The following CACNA2D3 variants were observed in gnomAD, a reference collection of about 807,000 sequenced individuals.
CACNA2D3 encodes the protein calcium voltage-gated channel auxiliary subunit alpha2delta 3, also known as voltage-dependent calcium channel subunit alpha-2/delta-3.
Under a neutral mutation model 160.6 loss-of-function variants are expected in CACNA2D3, and 60 were observed. That is an observed-to-expected ratio of 0.37 (90% CI 0.30 to 0.46). The LOEUF is 0.46. CACNA2D3 is among the 20% of genes least tolerant of loss of function. The pLI is 1.00. For synonymous variants in CACNA2D3, 558 were observed against 492.9 expected, an observed-to-expected ratio of 1.13 and a Z score of -1.75; for missense variants, 1,205 against 1,365.0, an observed-to-expected ratio of 0.88 and a Z score of 1.85.
At chr3:54,893,356 G>A (rs575723754) in intron 25 of CACNA2D3, among the ~76,000 whole-genome samples, 6 of 151,852 alleles carry the variant, frequency 4.0e-5, no homozygotes, top group African/African-American at 1.2e-4. Flanking sequence ...TCTATTCTTT[G>A]TGGCATTACG....
chr3:54,275,347 C>G (rs1004777322), intron 2 of CACNA2D3, among the ~76,000 whole-genome samples: 1 of 152,054 alleles, frequency 6.6e-6, no homozygotes, highest in East Asian at 1.9e-4. Flanking sequence ...ATGCCATCAA[C>G]CACTTTGACA....
chr3:54,975,801 A>C (rs1268547851), intron 29 of CACNA2D3, among the ~76,000 whole-genome samples: 1 of 152,242 alleles, frequency 6.6e-6, no homozygotes, highest in African/African-American at 2.4e-5. Flanking sequence ...CTTGGTTCAG[A>C]TATTAGCTCA....
At chr3:54,239,886 A>G (rs193231328) in intron 2 of CACNA2D3, among the ~76,000 whole-genome samples, 3 of 152,344 alleles carry the variant, frequency 2.0e-5, no homozygotes, top group Admixed American at 2.0e-4. Context: ...TATGAGAATA[A>G]AATCAGATAG....
chr3:54,736,124 TATATATGTATATATATACACACACAC>T, intron 11 of CACNA2D3, among the ~76,000 whole-genome samples: 1 of 88,064 alleles, frequency 1.1e-5, no homozygotes, highest in Middle Eastern at 5.0e-3. Context: ...TATATACATA[TATATATGTATATATATACACACACAC>T]ACACACACAC....
At chr3:54,542,359 C>G (rs1378751465) in intron 5 of CACNA2D3, among the ~76,000 whole-genome samples, 1 of 152,068 alleles carries the variant, frequency 6.6e-6, no homozygotes. Flanking sequence ...CACACCCAGC[C>G]TGAAAGGGAG....
At chr3:54,767,685 T>C (rs2107105935) in intron 13 of CACNA2D3, among the ~76,000 whole-genome samples, 1 of 152,038 alleles carries the variant, frequency 6.6e-6, no homozygotes, top group East Asian at 1.9e-4. Flanking sequence ...ATAATAATAA[T>C]GATGATGACA....
chr3:54,928,794 C>T (rs1352899367), intron 27 of CACNA2D3, among the ~76,000 whole-genome samples: 3 of 151,452 alleles, frequency 2.0e-5, no homozygotes, highest in East Asian at 3.9e-4. Flanking sequence ...TTCCCTGATG[C>T]TGAGGTCCTG....
intron 5 of CACNA2D3, among the ~76,000 whole-genome samples, chr3:54,531,253 G>A (rs1360765788): frequency 6.6e-6 from 1 of 152,192 alleles, no homozygotes; most frequent in Non-Finnish European, 1.5e-5. Flanking sequence ...AGATTATCAC[G>A]TCTGCACACC....
intron 12 of CACNA2D3, among the ~76,000 whole-genome samples, chr3:54,763,318 G>A (rs1270240473): frequency 6.6e-6 from 1 of 152,002 alleles, no homozygotes; most frequent in Non-Finnish European, 1.5e-5. Context: ...TCCCCCATCT[G>A]CATCGGTCAT....
intron 2 of CACNA2D3, chr3:54,272,940 C>G (rs1006671227): frequency 8.5e-5 from 13 of 152,356 alleles, no homozygotes; most frequent in African/African-American, 3.1e-4. Context: ...CTTTGTCTCT[C>G]CCTGAGCCCT....
intron 11 of CACNA2D3, among the ~76,000 whole-genome samples, chr3:54,717,857 T>TGTGC (rs560135432): frequency 1.4e-5 from 2 of 145,578 alleles, no homozygotes; most frequent in African/African-American, 5.1e-5. Context: ...GTGTGGTGTA[T>TGTGC]GTGCGTGCGT....
Position 54,529,542 on chromosome 3 carries a change from G to T in CACNA2D3, c.544+25888G>T, listed in dbSNP as rs577809464. On this transcript the variant is annotated intron_variant, in intron 5 of 37. Transcript: ENST00000474759. ...GATTCATTCCACCTGTCTGGCCTTC[G>T]GTTTCCTTACCTGTGAAGTGGGAAT... 3.3e-5 allele frequency among the ~76,000 whole-genome samples: 5 copies of T among 152,246 alleles called. No individual in the cohort carries two copies. In the South Asian group the frequency reaches 1.0e-3, roughly 32 times the overall value.
At chr3:54,371,584 G>T (rs73841999) in intron 3 of CACNA2D3, among the ~76,000 whole-genome samples, 1 of 152,066 alleles carries the variant, frequency 6.6e-6, no homozygotes, top group Non-Finnish European at 1.5e-5. Flanking sequence ...ACATCACATC[G>T]TGTGCATTTT....
chr3:54,720,232 T>A (rs1464669015), intron 11 of CACNA2D3, among the ~76,000 whole-genome samples: 2 of 152,062 alleles, frequency 1.3e-5, no homozygotes, highest in Non-Finnish European at 2.9e-5. Context: ...GTTTCCAGCC[T>A]TACTTTTTTA....
chr3:54,702,888 C>T (rs1278490469), intron 11 of CACNA2D3, among the ~76,000 whole-genome samples: 1 of 152,136 alleles, frequency 6.6e-6, no homozygotes, highest in Admixed American at 6.5e-5. Flanking sequence ...TCATGGAATA[C>T]TACATAGCCA....
chr3:54,275,774 C>T (rs535490062), intron 2 of CACNA2D3, among the ~76,000 whole-genome samples: 25 of 152,156 alleles, frequency 1.6e-4, no homozygotes, highest in African/African-American at 4.1e-4. Flanking sequence ...CCTGCCACCA[C>T]GCCTGGCTAA....
At chr3:54,835,910 TTC>T (rs896948349) in intron 14 of CACNA2D3, among the ~76,000 whole-genome samples, 1 of 152,220 alleles carries the variant, frequency 6.6e-6, no homozygotes, top group African/African-American at 2.4e-5. Flanking sequence ...CTGGGCAGTT[TTC>T]TGTTTTGTCT....
At chr3:54,809,638 C>G (rs1347817359) in intron 13 of CACNA2D3, among the ~76,000 whole-genome samples, 1 of 151,552 alleles carries the variant, frequency 6.6e-6, no homozygotes, top group African/African-American at 2.4e-5. Flanking sequence ...TTCTTTCTTT[C>G]TTTCTTTCAT....
chr3:54,977,130 A>G (rs937687269), intron 29 of CACNA2D3, among the ~76,000 whole-genome samples: 1 of 152,226 alleles, frequency 6.6e-6, no homozygotes, highest in Admixed American at 6.5e-5. Flanking sequence ...AAAATAGCAC[A>G]ATATGAAATC....
Sources: gnomAD v4.1 joint callset for allele counts (sites outside exome capture counted in the v4.1 genomes callset) on GRCh38, gnomAD v4.1.1 for gene constraint, MANE v1.5 for transcripts, NCBI Gene and HGNC (gene_info 2026-07-23, HGNC 2026-07-21) for gene names.